The following CCBE1 variants were observed in gnomAD, a reference collection of about 807,000 sequenced individuals.
CCBE1 encodes the protein collagen and calcium binding EGF domains 1.
CCBE1 carries 37 observed loss-of-function variants against 50.0 expected under a neutral mutation model. The observed-to-expected ratio is 0.74, with a 90% CI of 0.57 to 0.97. The LOEUF (loss-of-function observed/expected upper bound fraction) is 0.97, where lower values mean the gene tolerates loss of function less well. Ranked by LOEUF, CCBE1 falls within the 50% of genes least tolerant of loss-of-function variation. The pLI, the probability that CCBE1 is intolerant of heterozygous loss-of-function variation, is 0.00. For synonymous variants in CCBE1, 234 were observed against 203.7 expected (o/e 1.15, Z -1.27); for missense variants, 538 against 523.8 (o/e 1.03, Z -0.26).
chr18:59,445,940 A>C (rs1408157993), intron 7 of CCBE1, among the ~76,000 whole-genome samples: 1 of 152,236 alleles, frequency 6.6e-6, no homozygotes. Flanking sequence ...ATTCCAACCC[A>C]GAGTAGTTTC....
chr18:59,620,772 G>T (rs1480003881), intron 2 of CCBE1, among the ~76,000 whole-genome samples: 4 of 152,120 alleles, frequency 2.6e-5, no homozygotes, highest in Non-Finnish European at 2.9e-5. Context: ...TGATTGTGAG[G>T]CCTCTCCAGC....
chr18:59,641,938 A>T (rs1057179716), intron 2 of CCBE1, among the ~76,000 whole-genome samples: 1 of 152,186 alleles, frequency 6.6e-6, no homozygotes, highest in Non-Finnish European at 1.5e-5. Flanking sequence ...TACTTTACAT[A>T]AAAAAATTCT....
At chr18:59,583,517 G>A (rs1205639009) in intron 2 of CCBE1, among the ~76,000 whole-genome samples, 1 of 152,146 alleles carries the variant, frequency 6.6e-6, no homozygotes, top group African/African-American at 2.4e-5. Context: ...TTTGGTTTTA[G>A]CTTTTCATTA....
At position 59,431,227 on chromosome 18, in the gene CCBE1, G is replaced by T. The variant is rs1909936926; in HGVS notation, c.*4681C>A. On this transcript the variant is annotated 3_prime_UTR_variant, in exon 11 of 11. Coordinates refer to ENST00000439986, the MANE Select transcript of CCBE1 (RefSeq NM_133459.4). ...TGTTGAGGGAGCATGTGAAGTTCAT[G>T]ATTATATGCCTTAACAATTACAGTC... 6.6e-6 allele frequency: 1 copy of T among 152,218 alleles called. No homozygotes were observed. Among genetic ancestry groups the T allele is most frequent in the Non-Finnish European group, 1.5e-5 (1 of 68,038 alleles). 9.4% of individuals were successfully genotyped at this position (152,218 alleles called of 1,614,324 possible).
At chr18:59,660,543 G>GTTT (rs1029180129) in intron 2 of CCBE1, among the ~76,000 whole-genome samples, 1 of 152,056 alleles carries the variant, frequency 6.6e-6, no homozygotes, top group African/African-American at 2.4e-5. Context: ...TTGAGCCTAA[G>GTTT]TTTAAGCATT....
intron 2 of CCBE1, among the ~76,000 whole-genome samples, chr18:59,635,462 T>A (rs575966268): frequency 5.7e-4 from 81 of 141,252 alleles, no homozygotes; most frequent in African/African-American, 1.5e-3. Context: ...AGAAATTTTT[T>A]AAAAATAAAC....
chr18:59,595,909 C>G (rs909145299), intron 2 of CCBE1, among the ~76,000 whole-genome samples: 1 of 152,156 alleles, frequency 6.6e-6, no homozygotes, highest in African/African-American at 2.4e-5. Flanking sequence ...CAAGAAGTGA[C>G]TGAAAAGCAA....
At chr18:59,547,134 AG>A (rs1351963641) in intron 2 of CCBE1, among the ~76,000 whole-genome samples, 1 of 121,054 alleles carries the variant, frequency 8.3e-6, no homozygotes, top group Non-Finnish European at 1.7e-5. Context: ...AAGGAGAGAG[AG>A]GGGAGAGAGA....
At chr18:59,605,275 A>G (rs1454634210) in intron 2 of CCBE1, among the ~76,000 whole-genome samples, 1 of 152,254 alleles carries the variant, frequency 6.6e-6, no homozygotes, top group Admixed American at 6.5e-5. Context: ...AAAGTCTTTA[A>G]GAACACCAAA....
chr18:59,552,100 C>G (rs923111907), intron 2 of CCBE1, among the ~76,000 whole-genome samples: 6 of 152,188 alleles, frequency 3.9e-5, no homozygotes, highest in Non-Finnish European at 7.4e-5. Flanking sequence ...ACCGTCTGGC[C>G]CTTCTCCATG....
intron 2 of CCBE1, among the ~76,000 whole-genome samples, chr18:59,520,982 A>C (rs904262347): frequency 6.6e-6 from 1 of 152,220 alleles, no homozygotes; most frequent in African/African-American, 2.4e-5. Context: ...CAAAATAACT[A>C]TAAAGCTATT....
chr18:59,459,029 C>T (rs1020284605), intron 5 of CCBE1: 10 of 152,114 alleles, frequency 6.6e-5, no homozygotes, highest in South Asian at 2.1e-4. Context: ...ATTCTTTGAA[C>T]GGTAAAAAGG....
chr18:59,492,303 A>G (rs1913148850), intron 2 of CCBE1, among the ~76,000 whole-genome samples: 1 of 151,972 alleles, frequency 6.6e-6, no homozygotes. Context: ...TCAGGTCACT[A>G]GTGTGACAGA....
At chr18:59,514,290 C>T (rs979778225) in intron 2 of CCBE1, among the ~76,000 whole-genome samples, 14 of 152,114 alleles carry the variant, frequency 9.2e-5, no homozygotes, top group East Asian at 1.9e-4. Context: ...AAATCAGTGG[C>T]GTTTAATAAG....
At chr18:59,577,015 G>A (rs764337969) in intron 2 of CCBE1, among the ~76,000 whole-genome samples, 1 of 152,160 alleles carries the variant, frequency 6.6e-6, no homozygotes, top group Non-Finnish European at 1.5e-5. Context: ...TAAGCTAAAG[G>A]CCAGCTGGCT....
intron 2 of CCBE1, among the ~76,000 whole-genome samples, chr18:59,523,601 G>C (rs948670114): frequency 2.0e-5 from 3 of 152,146 alleles, no homozygotes; most frequent in Admixed American, 2.0e-4. Flanking sequence ...AATATAAATT[G>C]TAATAACCTT....
intron 2 of CCBE1, among the ~76,000 whole-genome samples, chr18:59,544,837 A>G (rs1915619458): frequency 6.6e-6 from 1 of 152,194 alleles, no homozygotes; most frequent in African/African-American, 2.4e-5. Context: ...ACCTATTTCT[A>G]TATTAGTGTT....
intron 2 of CCBE1, among the ~76,000 whole-genome samples, chr18:59,559,496 G>C (rs1004046811): frequency 6.6e-6 from 1 of 152,228 alleles, no homozygotes; most frequent in African/African-American, 2.4e-5. Context: ...TACAGAGTTA[G>C]TGCAAGTCAT....
chr18:59,663,931 G>GAGAAATA (rs2054319436), intron 2 of CCBE1, among the ~76,000 whole-genome samples: 1 of 152,150 alleles, frequency 6.6e-6, no homozygotes, highest in African/African-American at 2.4e-5. Context: ...ACAACAGCAG[G>GAGAAATA]AGAAATAAGT....
Sources: gnomAD v4.1 joint callset for allele counts (sites outside exome capture counted in the v4.1 genomes callset) on GRCh38, gnomAD v4.1.1 for gene constraint, MANE v1.5 for transcripts, NCBI Gene and HGNC (gene_info 2026-07-23, HGNC 2026-07-21) for gene names.